Variants in PPP3CA observed in about 807,000 individuals in gnomAD.
PPP3CA encodes CAM-PRP catalytic subunit.
In PPP3CA, 14 loss-of-function variants were observed where a neutral mutation model predicts 66.5. The observed-to-expected ratio is 0.21, with a 90% CI of 0.14 to 0.33. PPP3CA has a LOEUF of 0.33. PPP3CA is among the 10% of genes least tolerant of loss of function. The pLI is 1.00. For missense variants in PPP3CA, 317 were observed against 639.5 expected, an observed-to-expected ratio of 0.50 and a Z score of 5.44; for synonymous variants, 232 against 226.2, an observed-to-expected ratio of 1.03 and a Z score of -0.23.
intron 2 of PPP3CA, among the ~76,000 whole-genome samples, chr4:101,146,689 C>G (rs1018374403): frequency 6.6e-6 from 1 of 152,122 alleles, no homozygotes; most frequent in Admixed American, 6.5e-5. Flanking sequence ...GATCTGCCCA[C>G]CTCGGCTTTC....
At chr4:101,342,739 A>G (rs1729856339) in intron 1 of PPP3CA, among the ~76,000 whole-genome samples, 1 of 152,194 alleles carries the variant, frequency 6.6e-6, no homozygotes, top group Non-Finnish European at 1.5e-5. Context: ...TCAGTAAAAT[A>G]AATTCACAAG....
chr4:101,258,418 T>G (rs966923115), intron 1 of PPP3CA, among the ~76,000 whole-genome samples: 2 of 152,080 alleles, frequency 1.3e-5, no homozygotes, highest in Non-Finnish European at 1.5e-5. Context: ...CACCTGAGTC[T>G]TCTTCTTGGA....
At chr4:101,200,552 G>C (rs751693651) in intron 1 of PPP3CA, among the ~76,000 whole-genome samples, 97 of 152,178 alleles carry the variant, frequency 6.4e-4, no homozygotes, top group Non-Finnish European at 1.1e-3. Context: ...TGACAAAAAA[G>C]ATTCAAGAGA....
intron 1 of PPP3CA, among the ~76,000 whole-genome samples, chr4:101,317,288 T>C (rs1032005802): frequency 8.3e-6 from 1 of 121,070 alleles, no homozygotes; most frequent in African/African-American, 4.6e-5. Context: ...ACACACACAC[T>C]CACACACACT....
intron 2 of PPP3CA, among the ~76,000 whole-genome samples, chr4:101,172,422 G>A (rs900337170): frequency 3.9e-5 from 6 of 152,076 alleles, no homozygotes; most frequent in Non-Finnish European, 8.8e-5. Flanking sequence ...TATAGTTGGT[G>A]CTACATTAAT....
intron 4 of PPP3CA, among the ~76,000 whole-genome samples, chr4:101,098,861 T>C (rs1730316726): frequency 1.3e-5 from 2 of 152,168 alleles, no homozygotes; most frequent in South Asian, 2.1e-4. Context: ...ATAAAGCTGC[T>C]TGATATTCCT....
chr4:101,173,507 A>G (rs746278272), intron 2 of PPP3CA, among the ~76,000 whole-genome samples: 12 of 152,168 alleles, frequency 7.9e-5, no homozygotes, highest in Non-Finnish European at 1.3e-4. Context: ...ACAGTATCAT[A>G]TTTACACTAC....
At chr4:101,063,645 C>T (rs1242585134) in intron 8 of PPP3CA, among the ~76,000 whole-genome samples, 2 of 151,874 alleles carry the variant, frequency 1.3e-5, no homozygotes, top group Non-Finnish European at 2.9e-5. Context: ...TCAAGCTCCC[C>T]TTTCAGCCAA....
At chr4:101,190,904 A>G (rs1211741288) in intron 2 of PPP3CA, among the ~76,000 whole-genome samples, 11 of 152,160 alleles carry the variant, frequency 7.2e-5, no homozygotes, top group Non-Finnish European at 1.5e-4. Flanking sequence ...TATTCTTTGT[A>G]TGTTTTCTTC....
intron 4 of PPP3CA, 32 bp downstream of exon 4, chr4:101,099,579 G>A (rs778105886): frequency 9.2e-6 from 12 of 1,305,800 alleles, no homozygotes; most frequent in South Asian, 1.3e-5. Context: ...AGCACATATA[G>A]TGTTAAAGGA....
At chr4:101,228,261 T>A (rs1378378652) in intron 1 of PPP3CA, among the ~76,000 whole-genome samples, 5 of 151,746 alleles carry the variant, frequency 3.3e-5, no homozygotes, top group Non-Finnish European at 7.4e-5. Context: ...GAGTATACTT[T>A]CAGAGACTCT....
intron 6 of PPP3CA, among the ~76,000 whole-genome samples, chr4:101,085,280 G>A (rs1165378773): frequency 6.6e-6 from 1 of 152,138 alleles, no homozygotes; most frequent in Non-Finnish European, 1.5e-5. Flanking sequence ...CTGTCAGACA[G>A]GTTGCCTGAC....
intron 2 of PPP3CA, among the ~76,000 whole-genome samples, chr4:101,122,992 T>C (rs1480167653): frequency 6.6e-6 from 1 of 152,188 alleles, no homozygotes; most frequent in Non-Finnish European, 1.5e-5. Flanking sequence ...TTTGACTTCT[T>C]CAAGACAATT....
chr4:101,301,495 A>ATTT (rs1237890550), intron 1 of PPP3CA, among the ~76,000 whole-genome samples: 1 of 138,768 alleles, frequency 7.2e-6, no homozygotes, highest in Non-Finnish European at 1.6e-5. Flanking sequence ...TATATATGTA[A>ATTT]TTTTTTTTTT....
At chr4:101,163,785 C>T in intron 2 of PPP3CA, among the ~76,000 whole-genome samples, 1 of 151,890 alleles carries the variant, frequency 6.6e-6, no homozygotes, top group Non-Finnish European at 1.5e-5. Context: ...GCCAATTTTA[C>T]ATTATTTTTA....
intron 1 of PPP3CA, among the ~76,000 whole-genome samples, chr4:101,270,511 A>C (rs546346259): frequency 6.6e-4 from 101 of 152,320 alleles, no homozygotes; most frequent in Non-Finnish European, 1.3e-3. Context: ...TTAAAGACAC[A>C]AACAATTTCC....
intron 2 of PPP3CA, among the ~76,000 whole-genome samples, chr4:101,152,359 G>C (rs1223814670): frequency 6.6e-6 from 1 of 152,168 alleles, no homozygotes; most frequent in Non-Finnish European, 1.5e-5. Flanking sequence ...AGAAGTGTTT[G>C]TAAGTAAAAT....
intron 1 of PPP3CA, among the ~76,000 whole-genome samples, chr4:101,333,304 T>TAGAGA (rs1729504482): frequency 8.8e-6 from 1 of 113,138 alleles, no homozygotes; most frequent in East Asian, 2.4e-4. Flanking sequence ...TTTTTTTTTT[T>TAGAGA]TTTTTGTAGA....
chr4:101,040,107 T>G (rs1344603680), intron 11 of PPP3CA, among the ~76,000 whole-genome samples: 1 of 152,132 alleles, frequency 6.6e-6, no homozygotes, highest in Non-Finnish European at 1.5e-5. Flanking sequence ...TAGTGAAATG[T>G]GTCTGATAAA....
Sources: gnomAD v4.1 joint callset for allele counts (sites outside exome capture counted in the v4.1 genomes callset) on GRCh38, gnomAD v4.1.1 for gene constraint, MANE v1.5 for transcripts, NCBI Gene and HGNC (gene_info 2026-07-23, HGNC 2026-07-21) for gene names.